Variants in DIP2B observed in about 807,000 individuals in gnomAD.
DIP2B encodes the protein DIP2 acetate--CoA ligase B (putative), also known as disco-interacting protein 2 homolog B.
DIP2B carries 76 observed loss-of-function variants against 198.0 expected under a neutral mutation model. The ratio of observed to expected loss-of-function variants is 0.38; its 90% CI spans 0.32 to 0.46. The LOEUF is 0.46. DIP2B is among the 20% of genes least tolerant of loss of function. The pLI is 0.99. For synonymous variants in DIP2B, 701 were observed against 739.1 expected (o/e 0.95, Z 0.84); for missense variants, 1,559 against 1,978.4 (o/e 0.79, Z 4.02).
At chr12:50,680,393 C>T in intron 8 of DIP2B, 1 of 260,280 alleles carries the variant, frequency 3.8e-6, no homozygotes. Context: ...TATGCAGATT[C>T]TTTCAGAAAA....
Position 50,686,662 on chromosome 12 carries a change from A to T in DIP2B, c.1531A>T (p.Thr511Ser), listed in dbSNP as rs749236950. 2.5e-6 allele frequency: 4 copies of T among 1,613,974 alleles called. No homozygotes were observed. The Admixed American group carries it at 6.7e-5, about 27-fold the overall frequency. The change falls in exon 12 of 38, where the codon ACA becomes TCA. Residue 511 changes from threonine (T) to serine (S), a missense_variant. By Grantham distance (58) the Thr-to-Ser change is moderately conservative. Coordinates refer to ENST00000301180, the MANE Select transcript of DIP2B (RefSeq NM_173602.3). ...GCAGCCACACATCTCACCTGCTGGG[A>T]CAGAACCGGCATACATTGAGGTAAG... The part of the protein sequence containing the change: ...DWQPHISPAG[T>S]EPAYIEYKTS...
intron 1 of DIP2B, among the ~76,000 whole-genome samples, chr12:50,539,768 A>G (rs1958303798): frequency 6.6e-6 from 1 of 152,168 alleles, no homozygotes; most frequent in African/African-American, 2.4e-5. Context: ...CCTTAGATGT[A>G]ACTGTCATCC....
At chr12:50,694,849 C>T (rs907997357) in intron 14 of DIP2B, among the ~76,000 whole-genome samples, 2 of 151,556 alleles carry the variant, frequency 1.3e-5, no homozygotes, top group South Asian at 2.1e-4. Context: ...AATACTGTGC[C>T]GCAGTTCAAA....
Position 50,671,410 on chromosome 12 carries a change from A to T in DIP2B, c.640+12A>T, listed in dbSNP as rs369407044. ...CAATACTCGAATAGGTAGGAGCTGG[A>T]TCTACCCAAGAAGCCCAAATTACAT... On this transcript the variant is annotated intron_variant, in intron 5 of 37. Transcript: ENST00000301180. 1.9e-6 allele frequency: 3 copies of T among 1,613,592 alleles called. No homozygotes were observed. The highest frequency in any genetic ancestry group is 1.7e-6 in the Non-Finnish European group (2 of 1,179,524).
intron 1 of DIP2B, among the ~76,000 whole-genome samples, chr12:50,591,397 C>A (rs544878058): frequency 6.6e-6 from 1 of 151,302 alleles, no homozygotes; most frequent in East Asian, 1.9e-4. Flanking sequence ...CCATTGTATT[C>A]CTTTTTTAAA....
chr12:50,625,146 A>G (rs1382807581), intron 1 of DIP2B, among the ~76,000 whole-genome samples: 2 of 152,244 alleles, frequency 1.3e-5, no homozygotes, highest in South Asian at 2.1e-4. Context: ...GTGCTCTGTC[A>G]TGTCACCTCA....
intron 4 of DIP2B, among the ~76,000 whole-genome samples, chr12:50,667,369 G>A (rs1458873179): frequency 6.6e-6 from 1 of 152,206 alleles, no homozygotes; most frequent in African/African-American, 2.4e-5. Flanking sequence ...AGTGATAACA[G>A]TCATGAGTTT....
At chr12:50,519,497 C>A (rs1958096698) in intron 1 of DIP2B, among the ~76,000 whole-genome samples, 1 of 152,052 alleles carries the variant, frequency 6.6e-6, no homozygotes, top group African/African-American at 2.4e-5. Flanking sequence ...GTTACTTTTT[C>A]TTCCTTGAAT....
At chr12:50,525,871 C>T (rs1958160000) in intron 1 of DIP2B, among the ~76,000 whole-genome samples, 2 of 152,104 alleles carry the variant, frequency 1.3e-5, no homozygotes, top group Non-Finnish European at 1.5e-5. Flanking sequence ...CCAACTTAGT[C>T]TCAGTTCAAA....
chr12:50,615,210 G>A (rs967105436), intron 1 of DIP2B, among the ~76,000 whole-genome samples: 1 of 152,018 alleles, frequency 6.6e-6, no homozygotes, highest in Non-Finnish European at 1.5e-5. Context: ...AAGATAAAGG[G>A]GGAAAGAAGA....
At chr12:50,603,023 G>A (rs1240708883) in intron 1 of DIP2B, among the ~76,000 whole-genome samples, 14 of 151,384 alleles carry the variant, frequency 9.2e-5, no homozygotes, top group Admixed American at 9.2e-4. Context: ...AATTAGCCGG[G>A]CGTGGTGGCA....
chr12:50,613,376 A>C (rs1959047640), intron 1 of DIP2B, among the ~76,000 whole-genome samples: 1 of 152,082 alleles, frequency 6.6e-6, no homozygotes, highest in South Asian at 2.1e-4. Flanking sequence ...GAAAACCTTT[A>C]CTCTGATTCC....
At chr12:50,668,646 A>G (rs1240946143) in intron 4 of DIP2B, among the ~76,000 whole-genome samples, 1 of 152,252 alleles carries the variant, frequency 6.6e-6, no homozygotes, top group East Asian at 1.9e-4. Flanking sequence ...TAAACAAATT[A>G]AAATACATAT....
intron 2 of DIP2B, among the ~76,000 whole-genome samples, chr12:50,630,165 G>A (rs1938017869): frequency 6.6e-6 from 1 of 151,972 alleles, no homozygotes. Context: ...GGCCAGGATA[G>A]TCTCCATCAC....
At chr12:50,616,532 A>G (rs756708144) in intron 1 of DIP2B, among the ~76,000 whole-genome samples, 5 of 152,348 alleles carry the variant, frequency 3.3e-5, no homozygotes, top group Admixed American at 1.3e-4. Flanking sequence ...GATCAATTCT[A>G]CCTCTGTGTA....
At chr12:50,650,291 A>G (rs973543205) in intron 3 of DIP2B, among the ~76,000 whole-genome samples, 8 of 152,238 alleles carry the variant, frequency 5.3e-5, no homozygotes, top group African/African-American at 1.9e-4. Flanking sequence ...TGCAGATGTA[A>G]TTTTAAAAAT....
intron 1 of DIP2B, among the ~76,000 whole-genome samples, chr12:50,588,789 T>G (rs1162661683): frequency 1.3e-5 from 2 of 152,166 alleles, no homozygotes; most frequent in Non-Finnish European, 2.9e-5. Context: ...TGGGGTTTGA[T>G]GAAGTGACAT....
intron 1 of DIP2B, among the ~76,000 whole-genome samples, chr12:50,611,592 A>G (rs1959032406): frequency 6.6e-6 from 1 of 152,114 alleles, no homozygotes; most frequent in South Asian, 2.1e-4. Flanking sequence ...TGTGATCCAG[A>G]GCAGACCCAG....
chr12:50,644,618 T>TA (rs1399940196), intron 3 of DIP2B, among the ~76,000 whole-genome samples: 1 of 152,314 alleles, frequency 6.6e-6, no homozygotes, highest in Non-Finnish European at 1.5e-5. Context: ...TTCTTATCAA[T>TA]AAGAGTCTTT....
Sources: allele counts gnomAD v4.1 joint callset (sites outside exome capture counted in the v4.1 genomes callset), GRCh38; gene constraint gnomAD v4.1.1; transcripts MANE v1.5; gene names NCBI Gene and HGNC (gene_info 2026-07-23, HGNC 2026-07-21).